Variants in KCNQ5 observed in about 807,000 individuals in gnomAD.
KCNQ5 encodes the protein potassium voltage-gated channel subfamily KQT member 5.
KCNQ5 carries 30 observed loss-of-function variants against 98.2 expected under a neutral mutation model. That is an observed-to-expected ratio of 0.31 (90% CI 0.23 to 0.41). The LOEUF (loss-of-function observed/expected upper bound fraction) is 0.41, where lower values mean the gene tolerates loss of function less well. Among genes scored for constraint, KCNQ5 ranks in the 10% least tolerant of loss-of-function variants. The pLI is 1.00. For missense variants in KCNQ5, 835 were observed against 1,182.5 expected, an observed-to-expected ratio of 0.71 and a Z score of 4.31; for synonymous variants, 458 against 449.4, an observed-to-expected ratio of 1.02 and a Z score of -0.24.
At chr6:72,878,944 C>T (rs952158559) in intron 1 of KCNQ5, among the ~76,000 whole-genome samples, 1 of 152,030 alleles carries the variant, frequency 6.6e-6, no homozygotes, top group Admixed American at 6.6e-5. Context: ...TCTCAGCTGC[C>T]GCTGAGTCTT....
chr6:73,104,045 A>T (rs1025865808), intron 5 of KCNQ5, among the ~76,000 whole-genome samples: 1 of 152,120 alleles, frequency 6.6e-6, no homozygotes, highest in African/African-American at 2.4e-5. Flanking sequence ...GATTTAAAAA[A>T]AACAAGGATG....
chr6:72,768,791 T>A (rs1772706590), intron 1 of KCNQ5, among the ~76,000 whole-genome samples: 1 of 152,050 alleles, frequency 6.6e-6, no homozygotes, highest in Non-Finnish European at 1.5e-5. Flanking sequence ...ATGTATTAAA[T>A]TTATTTTCAT....
chr6:72,891,738 A>G (rs1779066310), intron 1 of KCNQ5, among the ~76,000 whole-genome samples: 1 of 152,184 alleles, frequency 6.6e-6, no homozygotes, highest in African/African-American at 2.4e-5. Flanking sequence ...ATAAACATAT[A>G]CTGATTTTAG....
chr6:72,659,533 T>C (rs1158780698), intron 1 of KCNQ5, among the ~76,000 whole-genome samples: 1 of 152,184 alleles, frequency 6.6e-6, no homozygotes, highest in African/African-American at 2.4e-5. Context: ...ACCAGCAAAT[T>C]TGGTGTCTGG....
intron 2 of KCNQ5, among the ~76,000 whole-genome samples, chr6:73,015,331 C>T (rs1192307769): frequency 2.0e-5 from 3 of 151,910 alleles, no homozygotes; most frequent in East Asian, 1.9e-4. Context: ...ATCAATCTGC[C>T]GATGACTGAA....
chr6:72,829,579 T>A (rs1450468213), intron 1 of KCNQ5, among the ~76,000 whole-genome samples: 2 of 152,220 alleles, frequency 1.3e-5, no homozygotes, highest in Non-Finnish European at 2.9e-5. Context: ...ACAGTGCGAA[T>A]AACTCTCGAA....
chr6:72,696,128 G>A (rs374503597), intron 1 of KCNQ5, among the ~76,000 whole-genome samples: 4 of 152,196 alleles, frequency 2.6e-5, no homozygotes, highest in South Asian at 4.1e-4. Context: ...TCACTTCTCC[G>A]CATGAGAAAC....
chr6:73,057,080 A>G (rs565280289), intron 3 of KCNQ5, among the ~76,000 whole-genome samples: 12 of 152,320 alleles, frequency 7.9e-5, no homozygotes, highest in African/African-American at 2.9e-4. Context: ...AACCAACCCA[A>G]AAGTCCATCA....
chr6:73,164,891 C>T (rs572761363), intron 10 of KCNQ5, among the ~76,000 whole-genome samples: 9 of 152,176 alleles, frequency 5.9e-5, no homozygotes, highest in African/African-American at 1.7e-4. Flanking sequence ...ATAGAAGTAC[C>T]TCTCATTCAG....
intron 1 of KCNQ5, among the ~76,000 whole-genome samples, chr6:72,662,604 C>CTTT (rs35194114): frequency 6.7e-6 from 1 of 148,902 alleles, no homozygotes; most frequent in African/African-American, 2.4e-5. Context: ...TTGGAAATAA[C>CTTT]TTTTTTTTTT....
intron 1 of KCNQ5, among the ~76,000 whole-genome samples, chr6:72,740,807 A>G (rs1441790141): frequency 6.6e-6 from 1 of 152,216 alleles, no homozygotes; most frequent in Non-Finnish European, 1.5e-5. Context: ...TAAGGATTTC[A>G]GCTGCTAAGC....
chr6:72,690,495 A>G (rs9360588), intron 1 of KCNQ5, among the ~76,000 whole-genome samples: 77,449 of 152,054 alleles, frequency 0.51, 22,860 homozygotes, highest in African/African-American at 0.81. Context: ...TGTGGACAGA[A>G]GATTGGTAAA....
intron 1 of KCNQ5, among the ~76,000 whole-genome samples, chr6:72,828,456 T>G (rs1427034621): frequency 6.6e-6 from 1 of 152,110 alleles, no homozygotes; most frequent in African/African-American, 2.4e-5. Flanking sequence ...TTGGTTAAAT[T>G]TATTGCTAGG....
intron 2 of KCNQ5, among the ~76,000 whole-genome samples, chr6:73,017,537 G>A (rs1770406014): frequency 6.6e-6 from 1 of 152,160 alleles, no homozygotes; most frequent in Non-Finnish European, 1.5e-5. Flanking sequence ...CAACTAAAGT[G>A]AGAAGACACA....
intron 1 of KCNQ5, among the ~76,000 whole-genome samples, chr6:72,910,273 A>G (rs1779875819): frequency 6.6e-6 from 1 of 152,146 alleles, no homozygotes; most frequent in African/African-American, 2.4e-5. Flanking sequence ...TTAGAGCTGG[A>G]CAGGACCTTT....
chr6:72,674,403 A>G (rs1264238877), intron 1 of KCNQ5, among the ~76,000 whole-genome samples: 1 of 152,134 alleles, frequency 6.6e-6, no homozygotes, highest in East Asian at 1.9e-4. Context: ...AACCTCAGAA[A>G]TCACCACTAA....
chr6:73,098,934 ACAG>A (rs1236834350), intron 5 of KCNQ5, among the ~76,000 whole-genome samples: 7 of 152,206 alleles, frequency 4.6e-5, no homozygotes, highest in Admixed American at 2.6e-4. Context: ...AATAACTACA[ACAG>A]CTTTTCAAGA....
At chr6:72,745,472 A>G (rs1395890296) in intron 1 of KCNQ5, among the ~76,000 whole-genome samples, 1 of 152,214 alleles carries the variant, frequency 6.6e-6, no homozygotes, top group Non-Finnish European at 1.5e-5. Flanking sequence ...GGCTAGAATC[A>G]GAGTACTTGC....
At chr6:73,134,303 A>G in intron 10 of KCNQ5, 1 of 158,392 alleles carries the variant, frequency 6.3e-6, no homozygotes, top group Non-Finnish European at 1.4e-5. Flanking sequence ...TGTTTATAAA[A>G]TAAAATATTT....
Sources: gnomAD v4.1 joint callset for allele counts (sites outside exome capture counted in the v4.1 genomes callset) on GRCh38, gnomAD v4.1.1 for gene constraint, MANE v1.5 for transcripts, NCBI Gene and HGNC (gene_info 2026-07-23, HGNC 2026-07-21) for gene names.